Variants in NRXN3 observed in about 807,000 individuals in gnomAD.
The protein encoded by NRXN3 is neurexin 3.
In NRXN3, 32 loss-of-function variants were observed where a neutral mutation model predicts 137.6. The ratio of observed to expected loss-of-function variants is 0.23; its 90% CI spans 0.18 to 0.31. The LOEUF (loss-of-function observed/expected upper bound fraction) is 0.31. Among genes scored for constraint, NRXN3 ranks in the 10% least tolerant of loss-of-function variants. The probability of loss-of-function intolerance (pLI) is 1.00; values close to 1 mark genes in which losing one functional copy is unlikely to be tolerated. For missense variants in NRXN3, 1,574 were observed against 2,062.5 expected, an observed-to-expected ratio of 0.76 and a Z score of 4.59; for synonymous variants, 798 against 784.5, an observed-to-expected ratio of 1.02 and a Z score of -0.29.
chr14:79,489,806 G>A (rs1303676576), intron 16 of NRXN3, among the ~76,000 whole-genome samples: 4 of 152,052 alleles, frequency 2.6e-5, no homozygotes, highest in South Asian at 2.1e-4. Context: ...TTGGGAGGCT[G>A]AGATGGGCGG....
intron 15 of NRXN3, among the ~76,000 whole-genome samples, chr14:79,044,052 G>C (rs1015977398): frequency 6.6e-6 from 1 of 152,216 alleles, no homozygotes; most frequent in South Asian, 2.1e-4. Context: ...ATTTCCACAT[G>C]TCTTCTGTAG....
At chr14:78,551,253 T>A (rs1009522861) in intron 4 of NRXN3, among the ~76,000 whole-genome samples, 1 of 152,216 alleles carries the variant, frequency 6.6e-6, no homozygotes, top group Non-Finnish European at 1.5e-5. Flanking sequence ...TGTATTCCTA[T>A]CTATGAATAG....
chr14:78,997,235 A>G (rs1010262210), intron 15 of NRXN3, among the ~76,000 whole-genome samples: 1 of 152,154 alleles, frequency 6.6e-6, no homozygotes, highest in African/African-American at 2.4e-5. Flanking sequence ...TCCATAATTC[A>G]AAGGCATATA....
At chr14:78,360,949 T>C (rs2085024218) in intron 4 of NRXN3, among the ~76,000 whole-genome samples, 1 of 152,172 alleles carries the variant, frequency 6.6e-6, no homozygotes, top group Admixed American at 6.5e-5. Context: ...GTATATGTCA[T>C]CCTCCCAACA....
At chr14:79,176,424 A>G (rs1474139112) in intron 15 of NRXN3, among the ~76,000 whole-genome samples, 1 of 152,154 alleles carries the variant, frequency 6.6e-6, no homozygotes, top group East Asian at 1.9e-4. Flanking sequence ...CCTCTAGCCT[A>G]TGGTGTTGAA....
chr14:78,886,560 T>C (rs997913496), intron 10 of NRXN3, among the ~76,000 whole-genome samples: 2 of 152,118 alleles, frequency 1.3e-5, no homozygotes, highest in Non-Finnish European at 2.9e-5. Flanking sequence ...GATTCTATGA[T>C]AAGTGATTGA....
intron 15 of NRXN3, among the ~76,000 whole-genome samples, chr14:79,216,825 G>T (rs1041145855): frequency 2.6e-5 from 4 of 152,066 alleles, no homozygotes; most frequent in Admixed American, 2.6e-4. Flanking sequence ...AACACCTGAG[G>T]CTCGATAATT....
At chr14:78,630,157 A>G (rs1460525690) in intron 4 of NRXN3, among the ~76,000 whole-genome samples, 2 of 152,278 alleles carry the variant, frequency 1.3e-5, no homozygotes, top group African/African-American at 4.8e-5. Flanking sequence ...TGGTTATTCT[A>G]CTTGAAGCAC....
At chr14:79,756,241 A>G (rs2139255904) in intron 19 of NRXN3, among the ~76,000 whole-genome samples, 1 of 152,260 alleles carries the variant, frequency 6.6e-6, no homozygotes, top group African/African-American at 2.4e-5. Flanking sequence ...GAAGTGTCTG[A>G]TTTTTGGCAT....
intron 16 of NRXN3, among the ~76,000 whole-genome samples, chr14:79,598,024 T>C (rs190507425): frequency 2.4e-4 from 36 of 152,298 alleles, no homozygotes; most frequent in East Asian, 2.1e-3. Flanking sequence ...AGTGTAAACA[T>C]TAAATAATTC....
At chr14:79,289,292 T>C (rs1176566102) in intron 15 of NRXN3, among the ~76,000 whole-genome samples, 7 of 152,174 alleles carry the variant, frequency 4.6e-5, no homozygotes, top group Admixed American at 4.6e-4. Flanking sequence ...CAGGCACATA[T>C]TCTGCCAGTG....
At chr14:78,338,949 T>C (rs2081832267) in intron 4 of NRXN3, among the ~76,000 whole-genome samples, 1 of 152,190 alleles carries the variant, frequency 6.6e-6, no homozygotes, top group Non-Finnish European at 1.5e-5. Context: ...GAGCCTCGGA[T>C]CTAGGCTCCT....
chr14:78,536,839 G>A (rs1425154568), intron 4 of NRXN3, among the ~76,000 whole-genome samples: 3 of 145,162 alleles, frequency 2.1e-5, no homozygotes, highest in Non-Finnish European at 4.5e-5. Context: ...TCTCACCTAT[G>A]AGTGAGAACA....
At chr14:79,698,064 T>C in intron 19 of NRXN3, 127 bp downstream of exon 19, 1 of 823,338 alleles carries the variant, frequency 1.2e-6, no homozygotes, top group South Asian at 1.9e-5. Context: ...CAGATACTCA[T>C]AGTAATGAGA....
chr14:79,178,761 T>A (rs2062616900), intron 15 of NRXN3, among the ~76,000 whole-genome samples: 1 of 152,182 alleles, frequency 6.6e-6, no homozygotes, highest in Non-Finnish European at 1.5e-5. Context: ...TTGTTGATAA[T>A]CTCCAAAACA....
At chr14:79,110,806 T>A (rs202012440) in intron 15 of NRXN3, among the ~76,000 whole-genome samples, 26 of 45,362 alleles carry the variant, frequency 5.7e-4, no homozygotes, top group South Asian at 2.9e-3. Context: ...TTTTTTATTT[T>A]TTGAGACGGA....
At chr14:79,715,650 C>CTT (rs141300988) in intron 19 of NRXN3, among the ~76,000 whole-genome samples, 2,320 of 152,260 alleles carry the variant, frequency 0.015, 40 homozygotes, top group South Asian at 0.07. Context: ...CTTCATGGTA[C>CTT]TTATATCATG....
intron 15 of NRXN3, among the ~76,000 whole-genome samples, chr14:79,181,545 G>T (rs1031459586): frequency 6.6e-5 from 10 of 152,006 alleles, no homozygotes; most frequent in Admixed American, 6.6e-4. Context: ...TAGCCGGGCG[G>T]ATGAGGGTTC....
intron 16 of NRXN3, among the ~76,000 whole-genome samples, chr14:79,639,004 C>T (rs1018087302): frequency 6.6e-5 from 10 of 152,098 alleles, no homozygotes; most frequent in African/African-American, 2.4e-4. Flanking sequence ...CCTTCCCTGC[C>T]CTTTCATCTC....
Sources: gnomAD v4.1 joint callset for allele counts (sites outside exome capture counted in the v4.1 genomes callset) on GRCh38, gnomAD v4.1.1 for gene constraint, MANE v1.5 for transcripts, NCBI Gene and HGNC (gene_info 2026-07-23, HGNC 2026-07-21) for gene names.